The following BBS7 variants were observed in gnomAD, a reference collection of about 807,000 sequenced individuals.
BBS7 encodes BBSome complex member BBS7.
BBS7 carries 50 observed loss-of-function variants against 90.3 expected under a neutral mutation model. The observed-to-expected ratio is 0.55, with a 90% CI of 0.44 to 0.70. The LOEUF is 0.70. Ranked by LOEUF, BBS7 falls within the 30% of genes least tolerant of loss-of-function variation. BBS7 has a pLI of 0.00. For synonymous variants in BBS7, 235 were observed against 287.4 expected (o/e 0.82, Z 1.85); for missense variants, 729 against 838.9 (o/e 0.87, Z 1.62).
At chr4:121,853,192 G>T (rs1392807903) in intron 7 of BBS7, 106 bp from the exon 8 acceptor site, 2 of 1,265,408 alleles carry the variant, frequency 1.6e-6, no homozygotes, top group Admixed American at 2.1e-5. Context: ...AGAATGGTGA[G>T]CAAAAAAACT....
At chr4:121,852,862 T>C in intron 8 of BBS7, 94 bp downstream of exon 8, 2 of 1,303,760 alleles carry the variant, frequency 1.5e-6, no homozygotes, top group East Asian at 5.0e-5. Context: ...ACACAAGATT[T>C]TAATATATTT....
intron 2 of BBS7, among the ~76,000 whole-genome samples, chr4:121,864,728 A>T (rs2149090780): frequency 6.6e-6 from 1 of 152,284 alleles, no homozygotes; most frequent in East Asian, 1.9e-4. Flanking sequence ...AGTAAATGAC[A>T]ATCAGAAATC....
chr4:121,861,979 G>A (rs1727007888), intron 3 of BBS7, among the ~76,000 whole-genome samples: 1 of 152,130 alleles, frequency 6.6e-6, no homozygotes, highest in African/African-American at 2.4e-5. Context: ...TTAAAATGCA[G>A]CAGATCAACT....
intron 9 of BBS7, 46 bp from the exon 10 acceptor site, chr4:121,847,552 T>C (rs1024488547): frequency 3.0e-6 from 4 of 1,335,770 alleles, no homozygotes; most frequent in Non-Finnish European, 3.2e-6. Flanking sequence ...ACTGCTAGTG[T>C]TAAAAAGATA....
At chr4:121,843,859 T>C (rs1465533117) in intron 12 of BBS7, 68 bp downstream of exon 12, 20 of 1,022,234 alleles carry the variant, frequency 2.0e-5, no homozygotes, top group Non-Finnish European at 2.9e-5. Context: ...GCAGCATCTA[T>C]AGACTTTAAT....
In BBS7 at chr4:121,828,693, G is replaced by GTCT. The variant is rs776691595; in HGVS notation, c.1711_1712insAGA (p.Ser571delinsTer). On this transcript the variant is annotated stop_gained, in exon 16 of 19. Transcript: ENST00000264499. LOFTEE classifies it high-confidence loss of function. ...CACATCTTTTAGGATGGAGATAGTAGAAATGTTGTCAGATTTAAAAACTCC... is the reference window on the plus strand; with the variant it reads ...CACATCTTTTAGGATGGAGATAGTAGTCTAAATGTTGTCAGATTTAAAAACTCC... The GTCT allele has an allele frequency of 6.2e-7, 1 of 1,606,002 alleles. No individual in the cohort carries two copies. Among genetic ancestry groups the GTCT allele is most frequent in the Non-Finnish European group, 8.5e-7 (1 of 1,175,762 alleles).
At chr4:121,855,817 T>C (rs1046437302) in intron 5 of BBS7, among the ~76,000 whole-genome samples, 16 of 151,508 alleles carry the variant, frequency 1.1e-4, no homozygotes, top group Admixed American at 2.0e-4. Flanking sequence ...TGTACACACA[T>C]GTATACATAT....
chr4:121,844,494 C>T (rs10084948), intron 11 of BBS7, among the ~76,000 whole-genome samples: 45,516 of 151,406 alleles, frequency 0.3, 8,327 homozygotes, highest in East Asian at 0.44. Flanking sequence ...TGCAACAGCC[C>T]GTGAGCTAGC....
In BBS7 at chr4:121,861,803, AT is replaced by A. The variant is rs1414167234; in HGVS notation, c.166-125del. 97 of 913,464 alleles carry A rather than the reference AT, an allele frequency of 1.1e-4. 1 individual carries two copies. The highest frequency in any genetic ancestry group is 1.6e-4 in the East Asian group (6 of 37,648). 56.6% of individuals were successfully genotyped at this position (913,464 alleles called of 1,614,324 possible). A position where few individuals can be genotyped will look rare whatever the true frequency, so the allele number is the denominator to read the frequency against. ...ATTATAGTTCCACTATATAGAAATA[AT>A]TTTAGATAATAATCTATATACTTCA... On this transcript the variant is annotated intron_variant, in intron 3 of 18. Coordinates refer to ENST00000264499, the MANE Select transcript of BBS7 (RefSeq NM_176824.3).
Position 121,848,887 on chromosome 4 carries a change from T to C in BBS7, c.891A>G (p.Val297=). The part of the protein sequence containing the change: ...ESVTSIQGGC[V]GKDSYDEIVV... ...CGATTTCATCATAGCTGTCTTTTCC[T>C]ACACAACCACCCTGGATAGATGTGA... Residue 297 remains valine (V), a synonymous_variant, in exon 9 of 19, where the codon GTA becomes GTG. Coordinates refer to ENST00000264499, the MANE Select transcript of BBS7 (RefSeq NM_176824.3). 6.2e-7 allele frequency: 1 copy of C among 1,614,012 alleles called. No individual in the cohort carries two copies. Among genetic ancestry groups the C allele is most frequent in the Non-Finnish European group, 8.5e-7 (1 of 1,179,992 alleles).
chr4:121,855,603 G>C, intron 5 of BBS7, 42 bp from the exon 6 acceptor site: 1 of 1,497,076 alleles, frequency 6.7e-7, no homozygotes, highest in African/African-American at 1.4e-5. Context: ...AATACAAACT[G>C]AAAATAATAG....
intron 1 of BBS7, 115 bp downstream of exon 1, chr4:121,870,163 T>C (rs1414864559): frequency 5.1e-6 from 7 of 1,364,184 alleles, no homozygotes; most frequent in Non-Finnish European, 7.3e-6. Context: ...CCAGCCCGGC[T>C]CCTTCGCCTC....
At chr4:121,838,161 T>C (rs529179841) in intron 13 of BBS7, among the ~76,000 whole-genome samples, 1 of 152,246 alleles carries the variant, frequency 6.6e-6, no homozygotes, top group South Asian at 2.1e-4. Context: ...TTTGAATTTA[T>C]TAGCAGAAAC....
At chr4:121,868,397 G>A (rs11942369) in intron 1 of BBS7, among the ~76,000 whole-genome samples, 4,063 of 152,002 alleles carry the variant, frequency 0.027, 178 homozygotes, top group African/African-American at 0.093. Flanking sequence ...AAAATGCAAC[G>A]GAAGACCACA....
At chr4:121,853,171 C>T in intron 7 of BBS7, 85 bp from the exon 8 acceptor site, 2 of 1,432,510 alleles carry the variant, frequency 1.4e-6, no homozygotes, top group Non-Finnish European at 1.9e-6. Context: ...AAAAAACACA[C>T]ATACCGACTC....
intron 18 of BBS7, chr4:121,827,761 A>T (rs1004358190): frequency 2.3e-4 from 211 of 934,442 alleles, no homozygotes; most frequent in Middle Eastern, 5.5e-4. Context: ...TGCCTTAAAA[A>T]TTTTAAATGC....
At chr4:121,836,885 G>A (rs1415889274) in intron 13 of BBS7, among the ~76,000 whole-genome samples, 1 of 151,956 alleles carries the variant, frequency 6.6e-6, no homozygotes, top group Non-Finnish European at 1.5e-5. Context: ...ATTTGAATTT[G>A]AATTTCTCTG....
intron 1 of BBS7, among the ~76,000 whole-genome samples, chr4:121,870,003 C>A (rs1052522330): frequency 6.6e-6 from 1 of 152,172 alleles, no homozygotes; most frequent in African/African-American, 2.4e-5. Flanking sequence ...TGGGGGGAAT[C>A]CGGGATGAGA....
At chr4:121,835,400 T>C (rs752628720) in intron 13 of BBS7, 117 bp from the exon 14 acceptor site, 9 of 1,216,016 alleles carry the variant, frequency 7.4e-6, no homozygotes, top group Non-Finnish European at 1.0e-5. Flanking sequence ...AAGACCTAAT[T>C]TAAGAGGAGT....
Sources: gnomAD v4.1 joint callset for allele counts (sites outside exome capture counted in the v4.1 genomes callset) on GRCh38, gnomAD v4.1.1 for gene constraint, MANE v1.5 for transcripts, NCBI Gene and HGNC (gene_info 2026-07-23, HGNC 2026-07-21) for gene names.